The following XKR9 variants were observed in gnomAD, a reference collection of about 807,000 sequenced individuals.
XKR9 encodes the protein XK related 9, also known as XK-related protein 9.
Under a neutral mutation model 32.0 loss-of-function variants are expected in XKR9, and 32 were observed. The ratio of observed to expected loss-of-function variants is 1.00; its 90% CI spans 0.76 to 1.34. XKR9 has a LOEUF of 1.34. XKR9 is among the 40% of genes most tolerant of loss of function. XKR9 has a pLI of 0.00. For missense variants in XKR9, 546 were observed against 429.7 expected, an observed-to-expected ratio of 1.27 and a Z score of -2.39; for synonymous variants, 168 against 143.4, an observed-to-expected ratio of 1.17 and a Z score of -1.22.
chr8:70,928,625 G>A, the XKR9 span, among the ~76,000 whole-genome samples: 19 of 152,062 alleles, frequency 1.2e-4, no homozygotes, highest in Non-Finnish European at 2.5e-4. Flanking sequence ...AAGCCTGGGT[G>A]CTCTTCCCTA....
the XKR9 span, among the ~76,000 whole-genome samples, chr8:70,957,918 G>C: frequency 6.6e-5 from 10 of 151,118 alleles, no homozygotes; most frequent in African/African-American, 2.4e-4. Context: ...TTACTGAGTG[G>C]CTGGAACTAC....
chr8:70,784,292 G>A (rs1807653916), intron 2 of XKR9, among the ~76,000 whole-genome samples: 2 of 152,132 alleles, frequency 1.3e-5, no homozygotes, highest in South Asian at 4.1e-4. Context: ...ATCACTTTGT[G>A]TAATATGGAC....
the XKR9 span, among the ~76,000 whole-genome samples, chr8:70,803,911 A>G: frequency 2.0e-5 from 3 of 152,218 alleles, no homozygotes; most frequent in African/African-American, 7.2e-5. Context: ...GCTGGGCCAG[A>G]AGCTCTAAAA....
the XKR9 span, among the ~76,000 whole-genome samples, chr8:70,874,287 G>A: frequency 1.3e-5 from 2 of 152,086 alleles, no homozygotes; most frequent in African/African-American, 4.8e-5. Context: ...AATAACGTAT[G>A]AAGGTTACTT....
chr8:71,015,372 A>C, the XKR9 span, among the ~76,000 whole-genome samples: 1 of 152,180 alleles, frequency 6.6e-6, no homozygotes, highest in East Asian at 1.9e-4. Flanking sequence ...CGCTCTCCCC[A>C]CTTGCGGGCA....
the XKR9 span, among the ~76,000 whole-genome samples, chr8:70,886,133 A>G: frequency 5.3e-5 from 8 of 152,142 alleles, no homozygotes; most frequent in East Asian, 1.9e-4. Flanking sequence ...GAGTGAGAAC[A>G]TGTGGTGTTT....
the XKR9 span, among the ~76,000 whole-genome samples, chr8:70,904,950 C>G: frequency 6.6e-6 from 1 of 152,190 alleles, no homozygotes. Context: ...ATATTGGCCC[C>G]CACTCTCTTC....
the XKR9 span, among the ~76,000 whole-genome samples, chr8:70,889,699 G>T: frequency 6.6e-6 from 1 of 151,722 alleles, no homozygotes; most frequent in Non-Finnish European, 1.5e-5. Context: ...GCATGCATTT[G>T]CTTAGGATAG....
chr8:71,044,518 T>G, the XKR9 span, among the ~76,000 whole-genome samples: 1 of 152,210 alleles, frequency 6.6e-6, no homozygotes, highest in African/African-American at 2.4e-5. Context: ...GCCACTAAAA[T>G]TGCTGAAGAG....
chr8:70,932,635 G>C, the XKR9 span, among the ~76,000 whole-genome samples: 3 of 152,136 alleles, frequency 2.0e-5, no homozygotes, highest in Non-Finnish European at 4.4e-5. Context: ...GAAGTTCAAG[G>C]TGCCAGTAGG....
At chr8:70,804,533 C>T in the XKR9 span, among the ~76,000 whole-genome samples, 1 of 152,108 alleles carries the variant, frequency 6.6e-6, no homozygotes, top group Non-Finnish European at 1.5e-5. Flanking sequence ...TATACTGTTA[C>T]ATCACTGTTA....
chr8:70,785,599 GTTGT>G (rs1214378931), intron 2 of XKR9, among the ~76,000 whole-genome samples: 1 of 149,688 alleles, frequency 6.7e-6, no homozygotes, highest in Admixed American at 6.7e-5. Context: ...AGAATGTTAA[GTTGT>G]TTATTTGAGA....
At chr8:70,738,553 TG>T (rs935617169), downstream of XKR9, among the ~76,000 whole-genome samples, 15 of 151,182 alleles carry the variant, frequency 9.9e-5, no homozygotes, top group African/African-American at 3.4e-4. Flanking sequence ...TTCTTTTAAT[TG>T]TGATGTTAGG....
At chr8:71,065,510 G>A in the XKR9 span, among the ~76,000 whole-genome samples, 5 of 152,212 alleles carry the variant, frequency 3.3e-5, no homozygotes, top group Admixed American at 2.6e-4. Flanking sequence ...AGCCACCCAG[G>A]CTATGGTATT....
intron 3 of XKR9, among the ~76,000 whole-genome samples, chr8:70,699,324 T>C (rs1586828978): frequency 6.6e-6 from 1 of 152,166 alleles, no homozygotes; most frequent in Non-Finnish European, 1.5e-5. Context: ...CTGGTACCGG[T>C]TGTTCCTTTC....
chr8:70,805,388 T>C, the XKR9 span, among the ~76,000 whole-genome samples: 8 of 152,142 alleles, frequency 5.3e-5, no homozygotes, highest in East Asian at 9.7e-4. Context: ...CCTACCGAGC[T>C]CCCGGGGGGA....
At chr8:70,708,820 C>G (rs1319004406) in intron 4 of XKR9, among the ~76,000 whole-genome samples, 1 of 151,918 alleles carries the variant, frequency 6.6e-6, no homozygotes, top group Non-Finnish European at 1.5e-5. Flanking sequence ...AACCTACCAA[C>G]CAGAAAAAAC....
rs1563477157 is a variant in XKR9 at position 70,776,923 on chromosome 8, T to TCTCTCTCTC, written n.353-12416_353-12415insCTCTCTCTC. Among the ~76,000 whole-genome samples, 298 of 59,420 alleles carry TCTCTCTCTC rather than the reference T, an allele frequency of 5.0e-3. 27 individuals carry two copies. The highest frequency in any genetic ancestry group is 6.8e-3 in the Non-Finnish European group (211 of 30,972). 39.0% of individuals were successfully genotyped at this position (59,420 alleles called of 152,430 possible). ...TGCATTTAGCAGGTTTTCTCTTTCTTTCTCTCTCTCTCTCTCTCTCTCTCT... is the reference window on the plus strand; with the variant it reads ...TGCATTTAGCAGGTTTTCTCTTTCTTCTCTCTCTCTCTCTCTCTCTCTCTCTCTCTCTCT... On this transcript the variant is annotated intron_variant and non_coding_transcript_variant, in intron 2 of 3. Coordinates refer to the XKR9 transcript ENST00000520273.
At chr8:70,787,413 C>T (rs1807702540) in intron 2 of XKR9, among the ~76,000 whole-genome samples, 1 of 152,020 alleles carries the variant, frequency 6.6e-6, no homozygotes, top group Non-Finnish European at 1.5e-5. Context: ...ATCTTCAATG[C>T]AAAATAGGCT....
Sources: gnomAD v4.1 joint callset for allele counts (sites outside exome capture counted in the v4.1 genomes callset) on GRCh38, gnomAD v4.1.1 for gene constraint, MANE v1.5 for transcripts, NCBI Gene and HGNC (gene_info 2026-07-23, HGNC 2026-07-21) for gene names.